PLCB1: variants seen among roughly 807,000 people sequenced by gnomAD.
The protein encoded by PLCB1 is 1-phosphatidylinositol 4,5-bisphosphate phosphodiesterase beta-1.
PLCB1 carries 46 observed loss-of-function variants against 161.8 expected under a neutral mutation model. That is an observed-to-expected ratio of 0.28 (90% CI 0.22 to 0.36). PLCB1 has a LOEUF of 0.36. Among genes scored for constraint, PLCB1 ranks in the 10% least tolerant of loss-of-function variants. The pLI is 1.00. For missense variants in PLCB1, 1,016 were observed against 1,472.5 expected (o/e 0.69, Z 5.07); for synonymous variants, 517 against 503.7 (o/e 1.03, Z -0.35).
At chr20:8,529,718 C>A (rs1417286327) in intron 3 of PLCB1, among the ~76,000 whole-genome samples, 1 of 152,062 alleles carries the variant, frequency 6.6e-6, no homozygotes, top group African/African-American at 2.4e-5. Context: ...CTTCTCCAGC[C>A]ATCCTGTGCC....
chr20:8,562,864 C>T (rs946885391), intron 3 of PLCB1, among the ~76,000 whole-genome samples: 1 of 151,986 alleles, frequency 6.6e-6, no homozygotes, highest in African/African-American at 2.4e-5. Flanking sequence ...TTTTTACAAA[C>T]TAGAAAAGAT....
Position 8,740,432 on chromosome 20 carries a change from GC to G in PLCB1, c.2399del (p.Pro800GlnfsTer18). On this transcript the variant is annotated frameshift_variant, in exon 22 of 32. Transcript: ENST00000338037. LOFTEE classifies it high-confidence loss of function. ...FVYIEVKDYV[P>X]DTYADVIEAL... ...TCTACATAGAAGTGAAAGACTATGT[GC>G]CAGACACATATGCAGGTAAACAACT... 1 of 1,584,656 alleles carries G rather than the reference GC, an allele frequency of 6.3e-7. No homozygotes were observed. The highest frequency in any genetic ancestry group is 8.6e-7 in the Non-Finnish European group (1 of 1,166,470).
intron 2 of PLCB1, among the ~76,000 whole-genome samples, chr20:8,246,510 A>G (rs1219946619): frequency 6.6e-6 from 1 of 151,938 alleles, no homozygotes; most frequent in African/African-American, 2.4e-5. Context: ...TTTCCACCAC[A>G]TTTTCTGTTA....
chr20:8,541,490 C>T (rs1425679337), intron 3 of PLCB1, among the ~76,000 whole-genome samples: 1 of 151,154 alleles, frequency 6.6e-6, no homozygotes, highest in African/African-American at 2.4e-5. Flanking sequence ...CTCCAAATCT[C>T]ACAAACAGTG....
At chr20:8,708,563 A>C in intron 11 of PLCB1, 107 bp from the exon 12 acceptor site, 1 of 703,760 alleles carries the variant, frequency 1.4e-6, no homozygotes. Context: ...CATTCGATAC[A>C]ATTCTCTGAA....
At chr20:8,824,135 A>G (rs1306743436) in intron 31 of PLCB1, among the ~76,000 whole-genome samples, 1 of 152,170 alleles carries the variant, frequency 6.6e-6, no homozygotes, top group African/African-American at 2.4e-5. Flanking sequence ...TTTGAAACTT[A>G]AAAGCTCAAT....
At chr20:8,342,818 C>T (rs1012747837) in intron 2 of PLCB1, among the ~76,000 whole-genome samples, 3 of 152,158 alleles carry the variant, frequency 2.0e-5, no homozygotes, top group Non-Finnish European at 4.4e-5. Context: ...TATAAAACCT[C>T]TCTCAGAAAT....
chr20:8,559,539 C>T (rs1269847493), intron 3 of PLCB1, among the ~76,000 whole-genome samples: 1 of 151,828 alleles, frequency 6.6e-6, no homozygotes, highest in African/African-American at 2.4e-5. Flanking sequence ...TAAAAAACAA[C>T]AAGAAGATTC....
chr20:8,676,570 A>C (rs2123376110), intron 9 of PLCB1, among the ~76,000 whole-genome samples: 1 of 152,338 alleles, frequency 6.6e-6, no homozygotes, highest in South Asian at 2.1e-4. Flanking sequence ...TCCTGGCAAG[A>C]GATTAGATAG....
intron 12 of PLCB1, among the ~76,000 whole-genome samples, chr20:8,714,172 A>G (rs1027652223): frequency 1.1e-4 from 16 of 152,126 alleles, no homozygotes; most frequent in Admixed American, 6.5e-5. Context: ...GTTATGATGC[A>G]GACTCCTGGA....
intron 3 of PLCB1, among the ~76,000 whole-genome samples, chr20:8,548,316 T>C (rs1985639499): frequency 7.0e-6 from 1 of 142,098 alleles, no homozygotes; most frequent in South Asian, 2.2e-4. Flanking sequence ...CTTCCTTCCT[T>C]CCATCATTTT....
intron 2 of PLCB1, among the ~76,000 whole-genome samples, chr20:8,169,032 C>T (rs890994186): frequency 6.6e-6 from 1 of 152,076 alleles, no homozygotes; most frequent in African/African-American, 2.4e-5. Flanking sequence ...AGTCTTTACT[C>T]TGAGCTCATC....
At chr20:8,681,109 T>TAAA (rs1382628283) in intron 9 of PLCB1, among the ~76,000 whole-genome samples, 21 of 111,610 alleles carry the variant, frequency 1.9e-4, no homozygotes, top group African/African-American at 8.2e-4. Flanking sequence ...TATATATATA[T>TAAA]ATATATATAT....
intron 2 of PLCB1, among the ~76,000 whole-genome samples, chr20:8,155,016 T>G (rs2123039989): frequency 6.6e-6 from 1 of 152,300 alleles, no homozygotes; most frequent in African/African-American, 2.4e-5. Context: ...AATCCATATG[T>G]AATGTATTAT....
intron 3 of PLCB1, among the ~76,000 whole-genome samples, chr20:8,408,330 C>T (rs62195958): frequency 0.16 from 23,905 of 151,630 alleles, 2,099 homozygotes; most frequent in Middle Eastern, 0.2. Context: ...GGAAGATTAC[C>T]GGGGGCCAGG....
At chr20:8,733,716 C>A (rs953647500) in intron 19 of PLCB1, among the ~76,000 whole-genome samples, 6 of 150,134 alleles carry the variant, frequency 4.0e-5, no homozygotes, top group Admixed American at 6.7e-5. Context: ...GTGCAGCACA[C>A]CAGCATGGCA....
At chr20:8,590,997 C>T (rs1987133176) in intron 3 of PLCB1, among the ~76,000 whole-genome samples, 1 of 152,048 alleles carries the variant, frequency 6.6e-6, no homozygotes, top group African/African-American at 2.4e-5. Flanking sequence ...TCCAACAGGC[C>T]CCAGTGTGTT....
At chr20:8,417,069 ATATATTTTTTTTTT>A (rs1979322165) in intron 3 of PLCB1, among the ~76,000 whole-genome samples, 1 of 84,078 alleles carries the variant, frequency 1.2e-5, no homozygotes, top group South Asian at 4.6e-4. Context: ...ATATATATAT[ATATATTTTTTTTTT>A]TTTTTTTTTT....
intron 3 of PLCB1, among the ~76,000 whole-genome samples, chr20:8,410,350 A>C (rs1473883078): frequency 1.3e-5 from 2 of 152,202 alleles, no homozygotes. Context: ...ATTTTCTCAA[A>C]GTAGTTGCCC....
Sources: allele counts gnomAD v4.1 joint callset (sites outside exome capture counted in the v4.1 genomes callset), GRCh38; gene constraint gnomAD v4.1.1; transcripts MANE v1.5; gene names NCBI Gene and HGNC (gene_info 2026-07-23, HGNC 2026-07-21).